The following DCAKD variants were observed in gnomAD, a reference collection of about 807,000 sequenced individuals.
The protein encoded by DCAKD is dephospho-CoA kinase domain containing, also known as dephospho-CoA kinase domain-containing protein.
DCAKD carries 15 observed loss-of-function variants against 18.7 expected under a neutral mutation model. That is an observed-to-expected ratio of 0.80 (90% CI 0.54 to 1.24). The LOEUF (loss-of-function observed/expected upper bound fraction) is 1.24. DCAKD is among the 50% of genes most tolerant of loss of function. The pLI is 0.00. For synonymous variants in DCAKD, 130 were observed against 133.0 expected (o/e 0.98, Z 0.16); for missense variants, 301 against 322.0 (o/e 0.93, Z 0.50).
At chr17:45,045,754 CT>C (rs1251183925) in intron 1 of DCAKD, among the ~76,000 whole-genome samples, 1 of 148,142 alleles carries the variant, frequency 6.8e-6, no homozygotes, top group Non-Finnish European at 1.5e-5. Flanking sequence ...AAAAAAGATA[CT>C]TGTTGAATTA....
chr17:45,024,330 TG>T lies in DCAKD; in HGVS notation c.*102del. On this transcript the variant is annotated 3_prime_UTR_variant, in exon 5 of 5. Transcript: ENST00000651974. ...GTGTGTGTGTGTGTGTGTGTGTGTG[TG>T]TGTGTGTGGGGAGGGGGCTGAGAGG... The T allele has an allele frequency of 2.3e-6, 1 of 432,406 alleles. No homozygotes were observed. The highest frequency in any genetic ancestry group is 3.5e-6 in the Non-Finnish European group (1 of 282,292). The allele number at this position is 432,406 out of a possible 1,614,324, so 26.8% of individuals were successfully genotyped here. A position where few individuals can be genotyped will look rare whatever the true frequency, so the allele number is the denominator to read the frequency against.
chr17:45,057,667 C>T lies in DCAKD; in HGVS notation c.-118+3221G>A, dbSNP rs559896934. ...GCAGTGAGCCGAGATAGTGCCACTG[C>T]ACTCCAGCCTGGGCAACAGAGTGCG... is the stretch of plus-strand genomic sequence containing the variant. On this transcript the variant is annotated intron_variant, in intron 1 of 4. Coordinates refer to the DCAKD transcript ENST00000310604. 3.4e-5 allele frequency among the ~76,000 whole-genome samples: 5 copies of T among 148,840 alleles called. No homozygotes were observed. The Admixed American group carries it at 3.4e-4, about 10-fold the overall frequency.
In DCAKD at chr17:45,061,081, C is replaced by T. The variant is rs2053845812; in HGVS notation, c.-311G>A. The T allele has an allele frequency of 2.3e-6, 3 of 1,289,434 alleles. No homozygotes were observed. In the African/African-American group the frequency reaches 4.5e-5, roughly 19 times the overall value. 79.9% of individuals were successfully genotyped at this position (1,289,434 alleles called of 1,614,324 possible). A position where few individuals can be genotyped will look rare whatever the true frequency, so the allele number is the denominator to read the frequency against. ...AAGGGTCGGTCCCACCAACCTTGCGCCCCTTCTTTCCTCAAAGCGTGGCCG... is the reference window on the plus strand; with the variant it reads ...AAGGGTCGGTCCCACCAACCTTGCGTCCCTTCTTTCCTCAAAGCGTGGCCG... On this transcript the variant is annotated 5_prime_UTR_variant, in exon 1 of 5. Coordinates refer to the DCAKD transcript ENST00000310604.
rs1035792718 is a variant in DCAKD, at chr17:45,031,541, A to G, written c.317-1362T>C. The G allele has an allele frequency of 1.4e-5, 14 of 985,152 alleles. No individual in the cohort carries two copies. In the African/African-American group the frequency reaches 2.3e-4, roughly 16 times the overall value. The allele number at this position is 985,152 out of a possible 1,614,324, so 61.0% of individuals were successfully genotyped here. On this transcript the variant is annotated intron_variant, in intron 3 of 4. Transcript: ENST00000651974. ...ACCAGTCCCTCGCTAGGTGCCCCAA[A>G]ATGATAGTTACTGTTGCAGGGGGAG...
chr17:45,025,591 C>A (rs2053036942), intron 4 of DCAKD, among the ~76,000 whole-genome samples: 1 of 152,142 alleles, frequency 6.6e-6, no homozygotes, highest in South Asian at 2.1e-4. Flanking sequence ...ACCCCTCTAG[C>A]TCTAAGAGCT....
At chr17:45,058,756 C>T (rs1458767990) in intron 1 of DCAKD, among the ~76,000 whole-genome samples, 2 of 152,032 alleles carry the variant, frequency 1.3e-5, no homozygotes, top group African/African-American at 4.8e-5. Context: ...CTCTGACCCC[C>T]CCCTTCCCTG....
rs943976197 is a variant in DCAKD at position 45,024,244 on chromosome 17, G to A, written c.*189C>T. The A allele has an allele frequency of 1.9e-5, 13 of 700,782 alleles. No individual in the cohort carries two copies. Among genetic ancestry groups the A allele is most frequent in the African/African-American group, 8.9e-5 (5 of 55,992 alleles). 43.4% of individuals were successfully genotyped at this position (700,782 alleles called of 1,614,324 possible). A position where few individuals can be genotyped will look rare whatever the true frequency, so the allele number is the denominator to read the frequency against. ...CTCAAATAGGATACACTCCAAAGAC[G>A]GGATGGCCTGGCACAGAGGCCCAGC... On this transcript the variant is annotated 3_prime_UTR_variant, in exon 5 of 5. Coordinates refer to ENST00000651974, the MANE Select transcript of DCAKD (RefSeq NM_001288655.2).
chr17:45,050,268 T>G lies in DCAKD; in HGVS notation c.-115+1093A>C, dbSNP rs1372106894. ...CATGTTGACCAGGCTGGTCTCGAAC[T>G]CCTAACCTCGGGTGATCCACCCTCC... On this transcript the variant is annotated intron_variant, in intron 1 of 4. Coordinates refer to ENST00000651974, the MANE Select transcript of DCAKD (RefSeq NM_001288655.2). 4.6e-5 allele frequency among the ~76,000 whole-genome samples: 7 copies of G among 151,754 alleles called. No homozygotes were observed. The East Asian group carries it at 1.4e-3, about 29-fold the overall frequency.
intron 1 of DCAKD, among the ~76,000 whole-genome samples, chr17:45,041,909 A>C (rs893512875): frequency 1.3e-5 from 2 of 151,942 alleles, no homozygotes; most frequent in African/African-American, 4.8e-5. Flanking sequence ...ACTTGAGCCC[A>C]GGAGTTAGAG....
chr17:45,044,305 C>G (rs2053512336), intron 1 of DCAKD, among the ~76,000 whole-genome samples: 1 of 152,180 alleles, frequency 6.6e-6, no homozygotes, highest in African/African-American at 2.4e-5. Flanking sequence ...CATTCACTCC[C>G]TTCTCTGCCC....
chr17:45,031,418 A>T (rs1484857797), intron 3 of DCAKD: 1 of 957,964 alleles, frequency 1.0e-6, no homozygotes, highest in African/African-American at 1.8e-5. Context: ...TGTAAACCTC[A>T]TCTGTGTAAA....
At chr17:45,036,571 A>G (rs755772934) in intron 1 of DCAKD, among the ~76,000 whole-genome samples, 2 of 152,152 alleles carry the variant, frequency 1.3e-5, no homozygotes, top group Non-Finnish European at 2.9e-5. Context: ...ATGTTGCTTG[A>G]TAAATGGTAA....
chr17:45,047,568 C>T lies in DCAKD; in HGVS notation c.-115+3793G>A, dbSNP rs376802939. ...TTGCCCAGGCTGGAATGCAGTGGCG[C>T]GATCTTGGCTCACTGCAACCTCCGG... On this transcript the variant is annotated intron_variant, in intron 1 of 4. Coordinates refer to ENST00000651974, the MANE Select transcript of DCAKD (RefSeq NM_001288655.2). Among the ~76,000 whole-genome samples the T allele has an allele frequency of 1.3e-4, 19 of 146,422 alleles. No homozygotes were observed. In the East Asian group the frequency reaches 1.4e-3, roughly 11 times the overall value.
In DCAKD at chr17:45,049,489, CT is replaced by C. The variant is rs202044633; in HGVS notation, c.-115+1871del. 8.5e-4 allele frequency among the ~76,000 whole-genome samples: 120 copies of C among 140,430 alleles called. 1 individual carries two copies. Among genetic ancestry groups the C allele is most frequent in the East Asian group, 2.9e-3 (14 of 4,838 alleles). The allele number at this position is 140,430 out of a possible 152,430, so 92.1% of individuals were successfully genotyped here. A position where few individuals can be genotyped will look rare whatever the true frequency, so the allele number is the denominator to read the frequency against. ...TTCGATGGTTAAATAAAAAGTGGTT[CT>C]TTTTTTTTTTTTCAAAAGATGAGGG... On this transcript the variant is annotated intron_variant, in intron 1 of 4. Coordinates refer to ENST00000651974, the MANE Select transcript of DCAKD (RefSeq NM_001288655.2).
chr17:45,060,977 T>G, exon 1 of DCAKD: 1 of 1,026,238 alleles, frequency 9.7e-7, no homozygotes, highest in Non-Finnish European at 1.2e-6. Context: ...AAACCTCGGA[T>G]TTTGGAACCT....
upstream of DCAKD, among the ~76,000 whole-genome samples, chr17:45,052,701 A>C (rs1055396909): frequency 4.6e-5 from 7 of 151,842 alleles, no homozygotes; most frequent in South Asian, 2.1e-4. Flanking sequence ...TCTACAAAAA[A>C]AAAAAACAAA....
rs1210827541 is a variant in DCAKD, at chr17:45,030,183, G to A, written c.317-4C>T. 1.2e-6 allele frequency: 2 copies of A among 1,613,808 alleles called. No homozygotes were observed. Among genetic ancestry groups the A allele is most frequent in the East Asian group, 2.2e-5 (1 of 44,876 alleles). ...TCCAGAATCACGTAGCGGTATCCTG[G>A]GGAGAGGTTGGAAATCCCCCAAGTT... On this transcript the variant is annotated splice_region_variant and splice_polypyrimidine_tract_variant and intron_variant, in intron 3 of 4. Transcript: ENST00000651974.
At chr17:45,036,082 A>G (rs1800205400) in intron 1 of DCAKD, among the ~76,000 whole-genome samples, 1 of 152,200 alleles carries the variant, frequency 6.6e-6, no homozygotes, top group African/African-American at 2.4e-5. Context: ...TCCTCAGACC[A>G]AGCAGCGGCA....
At chr17:45,051,082 G>A (rs1373404730) in intron 1 of DCAKD, among the ~76,000 whole-genome samples, 2 of 152,206 alleles carry the variant, frequency 1.3e-5, no homozygotes, top group Admixed American at 6.5e-5. Context: ...GACAGATACT[G>A]TAGCTTTATT....
Sources: gnomAD v4.1 joint callset for allele counts (sites outside exome capture counted in the v4.1 genomes callset) on GRCh38, gnomAD v4.1.1 for gene constraint, MANE v1.5 for transcripts, NCBI Gene and HGNC (gene_info 2026-07-23, HGNC 2026-07-21) for gene names.